The following GRIA3 variants were observed in gnomAD, a reference collection of about 807,000 sequenced individuals.
GRIA3 encodes the protein glutamate ionotropic receptor AMPA type subunit 3, also known as glutamate receptor 3.
In GRIA3, 3 loss-of-function variants were observed where a neutral mutation model predicts 63.0. That is an observed-to-expected ratio of 0.05 (90% CI 0.02 to 0.12). The LOEUF is 0.12. GRIA3 is among the 10% of genes least tolerant of loss of function. GRIA3 has a pLI of 1.00. For synonymous variants in GRIA3, 274 were observed against 257.9 expected, an observed-to-expected ratio of 1.06 and a Z score of -0.60; for missense variants, 347 against 700.9, an observed-to-expected ratio of 0.50 and a Z score of 5.70.
rs532657639 is a variant in GRIA3, at chrX:123,425,314, C to A, written c.1878-2627C>A. Among the ~76,000 whole-genome samples, 82 of 111,494 alleles carry A rather than the reference C, an allele frequency of 7.4e-4. No individual in the cohort carries two copies. The South Asian group carries it at 0.03, about 41-fold the overall frequency. The stretch of plus-strand genomic sequence containing the variant: ...CCTCAGTTTCTTTATCTGTAAAATA[C>A]CTCTGTTTGCTTATCTTTAAAATAG... On this transcript the variant is annotated intron_variant, in intron 11 of 15. Coordinates refer to ENST00000620443, the MANE Select transcript of GRIA3 (RefSeq NM_007325.5).
At chrX:123,210,012 T>G (rs5909976) in intron 2 of GRIA3, among the ~76,000 whole-genome samples, 48,677 of 108,825 alleles carry the variant, frequency 0.45, 9,173 homozygotes, top group Non-Finnish European at 0.59. Context: ...TTGGTTGGTT[T>G]GTTTTTCTCT....
chrX:123,237,260 A>G (rs1472586410), intron 2 of GRIA3, among the ~76,000 whole-genome samples: 1 of 112,177 alleles, frequency 8.9e-6, no homozygotes, highest in Admixed American at 9.4e-5. Flanking sequence ...GACCTGTGGA[A>G]GACAATTTTA....
chrX:123,194,454 T>C (rs1218715965), intron 2 of GRIA3, among the ~76,000 whole-genome samples: 1 of 111,393 alleles, frequency 9.0e-6, no homozygotes, highest in East Asian at 2.8e-4. Flanking sequence ...GGTCTTTGTG[T>C]AGGTGAACAC....
At chrX:123,333,562 A>G (rs1424864016) in intron 4 of GRIA3, among the ~76,000 whole-genome samples, 1 of 112,023 alleles carries the variant, frequency 8.9e-6, no homozygotes, top group African/African-American at 3.2e-5. Flanking sequence ...CAAATGCAAA[A>G]TAATATAACA....
chrX:123,394,398 C>CA (rs954099517), intron 5 of GRIA3, among the ~76,000 whole-genome samples: 53 of 103,511 alleles, frequency 5.1e-4, no homozygotes, highest in African/African-American at 1.6e-3. Context: ...GATTCTATCT[C>CA]AAAAAAAAAA....
At chrX:123,265,581 G>T (rs1425335995) in intron 3 of GRIA3, among the ~76,000 whole-genome samples, 1 of 111,907 alleles carries the variant, frequency 8.9e-6, no homozygotes, top group African/African-American at 3.2e-5. Context: ...AGGAGAAGTT[G>T]GTCTTGCTTT....
At position 123,277,091 on chromosome X, in the gene GRIA3, G is replaced by GT. The variant is rs145392989; in HGVS notation, c.508+23559dup. Among the ~76,000 whole-genome samples, 517 of 102,620 alleles carry GT rather than the reference G, an allele frequency of 5.0e-3. 1 individual carries two copies. Among genetic ancestry groups the GT allele is most frequent in the Non-Finnish European group, 5.8e-3 (293 of 50,109 alleles). The allele number at this position is 102,620 out of a possible 115,157, so 89.1% of individuals were successfully genotyped here. On this transcript the variant is annotated intron_variant, in intron 3 of 15. Coordinates refer to ENST00000620443, the MANE Select transcript of GRIA3 (RefSeq NM_007325.5). ...AACTAAAGTTTGAACTCCTCTGCCT[G>GT]TTTTTTTTTTAACTTTTTTTTTAAT...
chrX:123,382,461 C>T (rs755071340), intron 5 of GRIA3, among the ~76,000 whole-genome samples: 6 of 112,114 alleles, frequency 5.4e-5, no homozygotes, highest in Non-Finnish European at 1.1e-4. Context: ...CATTAGTCGA[C>T]TGAGAGACTT....
At chrX:123,256,551 G>A (rs5958202) in intron 3 of GRIA3, among the ~76,000 whole-genome samples, 95 of 111,709 alleles carry the variant, frequency 8.5e-4, no homozygotes, top group Middle Eastern at 4.6e-3. Flanking sequence ...AGGTCATGTC[G>A]TATGGTTGAG....
chrX:123,235,468 G>A (rs2044296951), intron 2 of GRIA3, among the ~76,000 whole-genome samples: 2 of 111,302 alleles, frequency 1.8e-5, no homozygotes, highest in African/African-American at 6.5e-5. Context: ...TAATACATAA[G>A]CATACAGCAA....
intron 11 of GRIA3, among the ~76,000 whole-genome samples, chrX:123,425,801 C>T (rs2045586467): frequency 9.0e-6 from 1 of 111,457 alleles, no homozygotes; most frequent in Non-Finnish European, 1.9e-5. Flanking sequence ...CGGGTTGTCT[C>T]AGGAATCCAG....
chrX:123,216,976 A>G lies in GRIA3; in HGVS notation c.268+30986A>G, dbSNP rs957052299. On this transcript the variant is annotated intron_variant, in intron 2 of 15. Transcript: ENST00000620443. ...CACTGGACAACTGCACTTCATTACT[A>G]ACATCTAACTCCTCAAATAGCCTTT... Among the ~76,000 whole-genome samples, 5 of 112,135 alleles carry G rather than the reference A, an allele frequency of 4.5e-5. No individual in the cohort carries two copies. The Admixed American group carries it at 4.7e-4, about 11-fold the overall frequency.
intron 12 of GRIA3, among the ~76,000 whole-genome samples, chrX:123,447,357 TTC>T: frequency 8.9e-6 from 1 of 112,278 alleles, no homozygotes; most frequent in East Asian, 2.8e-4. Flanking sequence ...GGCTTTCAGT[TTC>T]TCTCTTCTAA....
rs6649003 is a variant in GRIA3, at chrX:123,330,288, G to T, written c.696+4075G>T. ...TTTACAGATGATAAATTGAAACTTGGAGACATTTATATGACTTGTTTAAAT... is the reference window on the plus strand; with the variant it reads ...TTTACAGATGATAAATTGAAACTTGTAGACATTTATATGACTTGTTTAAAT... On this transcript the variant is annotated intron_variant, in intron 4 of 15. Transcript: ENST00000620443. 0.016 allele frequency among the ~76,000 whole-genome samples: 1,760 copies of T among 111,931 alleles called. 51 individuals are homozygous for T. The East Asian group carries it at 0.17, about 11-fold the overall frequency.
chrX:123,224,073 C>T (rs1297060581), intron 2 of GRIA3, among the ~76,000 whole-genome samples: 1 of 112,020 alleles, frequency 8.9e-6, no homozygotes, highest in Admixed American at 9.5e-5. Context: ...GGTTAGTTTT[C>T]AGTTCTCATT....
At chrX:123,389,862 C>T (rs990800365) in intron 5 of GRIA3, among the ~76,000 whole-genome samples, 5 of 110,181 alleles carry the variant, frequency 4.5e-5, no homozygotes, top group African/African-American at 1.3e-4. Flanking sequence ...CCCGCCACCA[C>T]GCCCGGCTAA....
At position 123,205,677 on chromosome X, in the gene GRIA3, G is replaced by A. The variant is rs763787020; in HGVS notation, c.268+19687G>A. On this transcript the variant is annotated intron_variant, in intron 2 of 15. Transcript: ENST00000620443. ...AATAGACCTAAGAGGCCAAGTAACCGCATGGACAACGAACTCAGTACCGGA... is the reference window on the plus strand; with the variant it reads ...AATAGACCTAAGAGGCCAAGTAACCACATGGACAACGAACTCAGTACCGGA... Among the ~76,000 whole-genome samples, 4 of 111,830 alleles carry A rather than the reference G, an allele frequency of 3.6e-5. No individual in the cohort carries two copies. The East Asian group carries it at 8.4e-4, about 24-fold the overall frequency.
intron 5 of GRIA3, among the ~76,000 whole-genome samples, chrX:123,378,711 C>A (rs1028152866): frequency 9.0e-6 from 1 of 111,210 alleles, no homozygotes; most frequent in African/African-American, 3.3e-5. Flanking sequence ...CATTCCTGGC[C>A]AACTTGAGGA....
chrX:123,365,253 T>A (rs1395224080), intron 5 of GRIA3, among the ~76,000 whole-genome samples: 3 of 110,933 alleles, frequency 2.7e-5, no homozygotes, highest in African/African-American at 9.8e-5. Context: ...CACAATAATA[T>A]TAATAATTAA....
Sources: allele counts gnomAD v4.1 joint callset (sites outside exome capture counted in the v4.1 genomes callset), GRCh38; gene constraint gnomAD v4.1.1; transcripts MANE v1.5; gene names NCBI Gene and HGNC (gene_info 2026-07-23, HGNC 2026-07-21).